The following METAP1 variants were observed in gnomAD, a reference collection of about 807,000 sequenced individuals.
The protein encoded by METAP1 is methionine aminopeptidase 1.
A neutral mutation model predicts 53.8 loss-of-function variants in METAP1; 28 were observed. The observed-to-expected ratio is 0.52, with a 90% CI of 0.39 to 0.71. The LOEUF is 0.71. METAP1 is among the 30% of genes least tolerant of loss of function. The pLI, the probability that METAP1 is intolerant of heterozygous loss-of-function variation, is 0.00. For synonymous variants in METAP1, 181 were observed against 165.7 expected (o/e 1.09, Z -0.71); for missense variants, 389 against 479.8 (o/e 0.81, Z 1.77).
Position 99,061,409 on chromosome 4 carries a change from CT to C in METAP1, c.*94del. 1 of 1,245,464 alleles carries C rather than the reference CT, an allele frequency of 8.0e-7. No homozygotes were observed. Among genetic ancestry groups the C allele is most frequent in the East Asian group, 2.5e-5 (1 of 39,904 alleles). 77.2% of individuals were successfully genotyped at this position (1,245,464 alleles called of 1,614,324 possible). On this transcript the variant is annotated 3_prime_UTR_variant, in exon 11 of 11. Transcript: ENST00000296411. ...AGGAAGAGGAACCTTTTTTTAATCA[CT>C]TGTTTTGTTTTGACTATAGATAAGA...
At chr4:99,046,687 A>G (rs1726264571) in intron 8 of METAP1, among the ~76,000 whole-genome samples, 1 of 152,090 alleles carries the variant, frequency 6.6e-6, no homozygotes, top group Non-Finnish European at 1.5e-5. Context: ...GGGAGATGAA[A>G]TTTTTACTCA....
At chr4:99,033,902 T>C (rs1725240928) in intron 2 of METAP1, among the ~76,000 whole-genome samples, 1 of 152,208 alleles carries the variant, frequency 6.6e-6, no homozygotes, top group Admixed American at 6.5e-5. Flanking sequence ...TAAATTGATG[T>C]GGTCAGAATA....
In METAP1 at chr4:99,035,390, T is replaced by C. The variant is rs1305945547; in HGVS notation, c.280-10T>C. 11 of 1,539,794 alleles carry C rather than the reference T, an allele frequency of 7.1e-6. No homozygotes were observed. The South Asian group carries it at 1.3e-4, about 18-fold the overall frequency. On this transcript the variant is annotated splice_polypyrimidine_tract_variant and intron_variant, in intron 3 of 10. Coordinates refer to ENST00000296411, the MANE Select transcript of METAP1 (RefSeq NM_015143.3). ...GTTGGTAAATCAGTTTTAACTAACT[T>C]TGTTTTTAGATGCCAACAAGGCCAG...
chr4:99,021,951 T>C (rs1325698038), intron 1 of METAP1, among the ~76,000 whole-genome samples: 3 of 152,300 alleles, frequency 2.0e-5, no homozygotes, highest in Non-Finnish European at 4.4e-5. Flanking sequence ...CGGGGAATGA[T>C]AAATCCTTTA....
At chr4:99,055,517 C>G (rs1322453446) in intron 9 of METAP1, among the ~76,000 whole-genome samples, 1 of 152,078 alleles carries the variant, frequency 6.6e-6, no homozygotes, top group African/African-American at 2.4e-5. Flanking sequence ...AGATCAGGTA[C>G]AAATTTTTTA....
At chr4:99,047,387 A>T (rs185872633) in intron 8 of METAP1, among the ~76,000 whole-genome samples, 1 of 152,304 alleles carries the variant, frequency 6.6e-6, no homozygotes, top group Admixed American at 6.5e-5. Context: ...GAGCAGTTTG[A>T]AAATTAGGGA....
chr4:99,034,369 C>A (rs772406294), intron 3 of METAP1, 27 bp downstream of exon 3: 2 of 1,311,096 alleles, frequency 1.5e-6, no homozygotes, highest in Admixed American at 2.0e-5. Context: ...ATAAAAACAA[C>A]ATTCCAATTT....
At chr4:99,050,461 C>T (rs1726611015) in intron 9 of METAP1, among the ~76,000 whole-genome samples, 1 of 152,084 alleles carries the variant, frequency 6.6e-6, no homozygotes, top group South Asian at 2.1e-4. Flanking sequence ...GTGGTAAAAT[C>T]CTAGACGTGG....
At chr4:99,006,829 A>G (rs1162997081) in intron 1 of METAP1, among the ~76,000 whole-genome samples, 3 of 152,184 alleles carry the variant, frequency 2.0e-5, no homozygotes, top group African/African-American at 7.2e-5. Context: ...TGAAGAGGCT[A>G]GTCAGTTGTC....
chr4:99,061,065 TTAG>T (rs1463821615), intron 10 of METAP1, 86 bp from the exon 11 acceptor site: 20 of 1,360,080 alleles, frequency 1.5e-5, no homozygotes, highest in African/African-American at 2.9e-5. Flanking sequence ...AATAAGGATC[TTAG>T]TAGTGAATTT....
intron 1 of METAP1, among the ~76,000 whole-genome samples, chr4:99,005,458 C>T (rs1723131138): frequency 6.6e-6 from 1 of 152,034 alleles, no homozygotes; most frequent in Non-Finnish European, 1.5e-5. Context: ...CCAGAATGGC[C>T]ATTACTAAAA....
At chr4:99,044,957 A>G (rs889328083) in intron 7 of METAP1, among the ~76,000 whole-genome samples, 3 of 152,224 alleles carry the variant, frequency 2.0e-5, no homozygotes, top group Admixed American at 6.5e-5. Context: ...AAAACCCACT[A>G]TCTGGCTTAT....
At chr4:99,060,432 C>T (rs1015680269) in intron 10 of METAP1, among the ~76,000 whole-genome samples, 13 of 142,030 alleles carry the variant, frequency 9.2e-5, no homozygotes, top group Non-Finnish European at 1.6e-4. Flanking sequence ...GGCGCGATCT[C>T]AGCTCACTGC....
Position 99,043,254 on chromosome 4 carries a change from T to C in METAP1, c.522T>C (p.Cys174=), listed in dbSNP as rs754908445. Residue 174 remains cysteine (C), a synonymous_variant, in exon 7 of 11, where the codon TGT becomes TGC. Coordinates refer to ENST00000296411, the MANE Select transcript of METAP1 (RefSeq NM_015143.3). ...EEIDHAVHLA[C]IARNCYPSPL... ...TTATTTTTTCTGTATTATAGGCATG[T>C]ATTGCAAGAAATTGCTACCCTTCTC... 3.2e-6 allele frequency: 5 copies of C among 1,579,340 alleles called. No individual in the cohort carries two copies. The African/African-American group carries it at 6.8e-5, about 21-fold the overall frequency.
rs1333696050 is a variant in METAP1 at position 99,048,725 on chromosome 4, C to T, written c.788-8C>T. The T allele has an allele frequency of 6.2e-7, 1 of 1,608,072 alleles. No individual in the cohort carries two copies. The highest frequency in any genetic ancestry group is 8.5e-7 in the Non-Finnish European group (1 of 1,178,112). On this transcript the variant is annotated splice_region_variant and splice_polypyrimidine_tract_variant and intron_variant, in intron 8 of 10. Coordinates refer to ENST00000296411, the MANE Select transcript of METAP1 (RefSeq NM_015143.3). ...TAGTTTATCATGAATTTTCTTTTTT[C>T]CTTTCAGTGAAGCCTGGTGTTCGGT...
At chr4:99,025,205 T>C (rs1724476136) in intron 1 of METAP1, 1 of 242,414 alleles carries the variant, frequency 4.1e-6, no homozygotes, top group Non-Finnish European at 6.6e-6. Context: ...AACTATAAAC[T>C]AAGTTTTTCC....
At chr4:99,050,510 T>C (rs114134492) in intron 9 of METAP1, among the ~76,000 whole-genome samples, 1,528 of 152,190 alleles carry the variant, frequency 0.01, 24 homozygotes, top group African/African-American at 0.035. Context: ...GAGCAACCTT[T>C]CTAAGGGAGA....
At chr4:99,023,820 C>A in intron 1 of METAP1, 1 of 966,062 alleles carries the variant, frequency 1.0e-6, no homozygotes, top group Non-Finnish European at 1.2e-6. Context: ...GTTCATCTTG[C>A]TTGCTGCCTA....
intron 2 of METAP1, among the ~76,000 whole-genome samples, chr4:99,033,105 G>T (rs1395858864): frequency 6.6e-6 from 1 of 152,082 alleles, no homozygotes; most frequent in African/African-American, 2.4e-5. Flanking sequence ...CAGCTCTTGT[G>T]AACCACACAG....
Sources: gnomAD v4.1 joint callset for allele counts (sites outside exome capture counted in the v4.1 genomes callset) on GRCh38, gnomAD v4.1.1 for gene constraint, MANE v1.5 for transcripts, NCBI Gene and HGNC (gene_info 2026-07-23, HGNC 2026-07-21) for gene names.